The following ANKRD45 variants were observed in gnomAD, a reference collection of about 807,000 sequenced individuals.
ANKRD45 encodes ankyrin repeat domain 45, also known as ankyrin repeat domain-containing protein 45.
A neutral mutation model predicts 28.1 loss-of-function variants in ANKRD45; 21 were observed. The ratio of observed to expected loss-of-function variants is 0.75; its 90% CI spans 0.53 to 1.08. ANKRD45 has a LOEUF of 1.08. Among genes scored for constraint, ANKRD45 ranks in the 50% least tolerant of loss-of-function variants. ANKRD45 has a pLI of 0.00. For synonymous variants in ANKRD45, 86 were observed against 103.9 expected, an observed-to-expected ratio of 0.83 and a Z score of 1.05; for missense variants, 261 against 308.7, an observed-to-expected ratio of 0.85 and a Z score of 1.16.
the ANKRD45 span, among the ~76,000 whole-genome samples, chr1:173,699,490 C>T: frequency 6.6e-6 from 1 of 152,126 alleles, no homozygotes; most frequent in African/African-American, 2.4e-5. Context: ...AAGTTGGCTT[C>T]AACCCTGGGA....
the ANKRD45 span, among the ~76,000 whole-genome samples, chr1:173,704,841 G>T: frequency 6.6e-6 from 1 of 152,190 alleles, no homozygotes; most frequent in Non-Finnish European, 1.5e-5. Context: ...GAGTGCTTTT[G>T]GGACCAATAC....
chr1:173,711,597 T>C, the ANKRD45 span, among the ~76,000 whole-genome samples: 2 of 152,370 alleles, frequency 1.3e-5, no homozygotes, highest in Admixed American at 1.3e-4. Context: ...GCTTGACTTT[T>C]CCCTTTAGCT....
intron 2 of ANKRD45, among the ~76,000 whole-genome samples, chr1:173,655,458 A>G (rs1346961627): frequency 6.6e-6 from 1 of 152,168 alleles, no homozygotes; most frequent in Non-Finnish European, 1.5e-5. Flanking sequence ...AGAACAGCAA[A>G]TATTGCTGCC....
At chr1:173,636,768 A>G (rs1160175088) in intron 3 of ANKRD45, 1 of 1,173,146 alleles carries the variant, frequency 8.5e-7, no homozygotes, top group Non-Finnish European at 1.2e-6. Context: ...TAACTATACT[A>G]TAGTATTGAA....
chr1:173,619,726 G>T (rs899890387), intron 5 of ANKRD45, among the ~76,000 whole-genome samples: 3 of 152,046 alleles, frequency 2.0e-5, no homozygotes, highest in African/African-American at 4.8e-5. Flanking sequence ...CACTCGGGAG[G>T]GGGAGGCAGA....
chr1:173,627,220 G>A (rs1667978742), intron 3 of ANKRD45, 61 bp from the exon 4 acceptor site: 1 of 1,156,080 alleles, frequency 8.6e-7, no homozygotes, highest in Non-Finnish European at 1.3e-6. Flanking sequence ...AAGCAAGATA[G>A]TCAAATGGAA....
At chr1:173,620,882 G>GA (rs1398475879) in intron 5 of ANKRD45, among the ~76,000 whole-genome samples, 2 of 151,704 alleles carry the variant, frequency 1.3e-5, no homozygotes, top group Admixed American at 6.6e-5. Flanking sequence ...TGGTTTTTTG[G>GA]AAAAAAATTA....
At chr1:173,682,433 G>A in the ANKRD45 span, among the ~76,000 whole-genome samples, 2 of 152,044 alleles carry the variant, frequency 1.3e-5, no homozygotes, top group African/African-American at 4.8e-5. Flanking sequence ...CACTCTTGGA[G>A]TTCCATAAGG....
chr1:173,700,159 A>G, the ANKRD45 span, among the ~76,000 whole-genome samples: 2 of 152,340 alleles, frequency 1.3e-5, no homozygotes, highest in African/African-American at 2.4e-5. Flanking sequence ...CCACTGCTCA[A>G]CAAAATAAAA....
intron 5 of ANKRD45, among the ~76,000 whole-genome samples, chr1:173,613,564 C>G (rs1231415145): frequency 8.4e-5 from 10 of 118,952 alleles, no homozygotes; most frequent in South Asian, 4.4e-4. Context: ...GGGGGTCAGC[C>G]CCCCCCCCGG....
At chr1:173,682,050 A>T in the ANKRD45 span, among the ~76,000 whole-genome samples, 1 of 125,338 alleles carries the variant, frequency 8.0e-6, no homozygotes, top group African/African-American at 3.9e-5. Flanking sequence ...CTCTGTCTCA[A>T]AAAAAAAAAA....
chr1:173,610,572 T>C (rs1010535727), intron 5 of ANKRD45, among the ~76,000 whole-genome samples: 1 of 152,030 alleles, frequency 6.6e-6, no homozygotes, highest in African/African-American at 2.4e-5. Context: ...ATGAAGGTGC[T>C]TAGAGAACAT....
chr1:173,621,013 C>A (rs1464605482), intron 5 of ANKRD45, among the ~76,000 whole-genome samples: 1 of 152,008 alleles, frequency 6.6e-6, no homozygotes, highest in African/African-American at 2.4e-5. Flanking sequence ...AACCATCAGA[C>A]AAACTATAAA....
chr1:173,647,860 T>G (rs1257572816), intron 2 of ANKRD45, among the ~76,000 whole-genome samples: 1 of 152,192 alleles, frequency 6.6e-6, no homozygotes, highest in Non-Finnish European at 1.5e-5. Flanking sequence ...AATAGCTCAC[T>G]GCAGCCTCGA....
Position 173,609,952 on chromosome 1 carries a change from G to A in ANKRD45, c.*193C>T. Reference sequence around the variant, plus strand: ...GAGCACGTGAAACTCACATGGGGCTGTGCTTGGAGGAGCAGAGGCGAGGCC... The same window carrying A: ...GAGCACGTGAAACTCACATGGGGCTATGCTTGGAGGAGCAGAGGCGAGGCC... On this transcript the variant is annotated 3_prime_UTR_variant, in exon 6 of 6. Coordinates refer to ENST00000333279, the MANE Select transcript of ANKRD45 (RefSeq NM_198493.3). 1 of 597,218 alleles carries A rather than the reference G, an allele frequency of 1.7e-6. No homozygotes were observed. Among genetic ancestry groups the A allele is most frequent in the Admixed American group, 3.1e-5 (1 of 32,484 alleles). 37.0% of individuals were successfully genotyped at this position (597,218 alleles called of 1,614,324 possible).
the ANKRD45 span, among the ~76,000 whole-genome samples, chr1:173,703,610 G>A: frequency 6.6e-6 from 1 of 152,168 alleles, no homozygotes. Context: ...ATTGCAGTTT[G>A]TGTGTCTATG....
chr1:173,677,904 G>GCAGTGTAC, the ANKRD45 span, among the ~76,000 whole-genome samples: 1 of 152,160 alleles, frequency 6.6e-6, no homozygotes, highest in African/African-American at 2.4e-5. Context: ...AAGACCTTCT[G>GCAGTGTAC]CAGTGTACAG....
the ANKRD45 span, among the ~76,000 whole-genome samples, chr1:173,698,480 C>A: frequency 6.6e-6 from 1 of 152,120 alleles, no homozygotes; most frequent in African/African-American, 2.4e-5. Flanking sequence ...TCTCTCAGAC[C>A]ACAGCGCAAT....
chr1:173,646,936 T>C lies in ANKRD45; in HGVS notation c.406A>G (p.Ile136Val). Residue 136 changes from isoleucine to valine, a missense_variant, in exon 3 of 6, where the codon ATA becomes GTA. Physicochemically the swap from Ile to Val is conservative, Grantham distance 29. Coordinates refer to ENST00000333279, the MANE Select transcript of ANKRD45 (RefSeq NM_198493.3). The stretch of plus-strand genomic sequence containing the variant: ...TCTTCCCGGAAGTTCAAAGCTTCTA[T>C]ATCAACATCCAGTTCTACCAGTGCT... Reference protein sequence around the residue: ...LKALVELDVDIEALNFREERA... With the variant: ...LKALVELDVDVEALNFREERA... The C allele has an allele frequency of 6.2e-7, 1 of 1,614,182 alleles. No homozygotes were observed. The highest frequency in any genetic ancestry group is 8.5e-7 in the Non-Finnish European group (1 of 1,180,020).
Sources: gnomAD v4.1 joint callset for allele counts (sites outside exome capture counted in the v4.1 genomes callset) on GRCh38, gnomAD v4.1.1 for gene constraint, MANE v1.5 for transcripts, NCBI Gene and HGNC (gene_info 2026-07-23, HGNC 2026-07-21) for gene names.